Variants in ATP6V1A observed in about 807,000 individuals in gnomAD.
ATP6V1A encodes the protein ATPase H+ transporting V1 subunit A, also known as V-type proton ATPase catalytic subunit A.
Under a neutral mutation model 70.1 loss-of-function variants are expected in ATP6V1A, and 18 were observed. That is an observed-to-expected ratio of 0.26 (90% CI 0.18 to 0.38). The LOEUF is 0.38. ATP6V1A is among the 10% of genes least tolerant of loss of function. ATP6V1A has a pLI of 1.00. For missense variants in ATP6V1A, 424 were observed against 772.4 expected (o/e 0.55, Z 5.35); for synonymous variants, 232 against 253.8 (o/e 0.91, Z 0.82).
chr3:113,788,820 T>C lies in ATP6V1A; in HGVS notation c.824T>C (p.Val275Ala). The C allele has an allele frequency of 6.2e-7, 1 of 1,613,768 alleles. No homozygotes were observed. Among genetic ancestry groups the C allele is most frequent in the Admixed American group, 1.7e-5 (1 of 60,012 alleles). The part of the protein sequence containing the change: ...KYSNSDVIIY[V>A]GCGERGNEMS... ...TCTAACAGTGATGTAATCATCTATG[T>C]AGGATGTGGTGAAAGAGGAAATGAG... is the stretch of plus-strand genomic sequence containing the variant. The change falls in exon 7 of 15, where the codon GTA becomes GCA. Residue 275 changes from valine to alanine, a missense_variant. Physicochemically the swap from Val to Ala is moderately conservative, Grantham distance 64. Around this residue, in one of 9 missense-constraint regions of ATP6V1A, gnomAD observed 8 missense variants for 41.8 expected, o/e 0.19. Transcript: ENST00000273398.
At chr3:113,766,890 A>G (rs1046826593) in intron 1 of ATP6V1A, among the ~76,000 whole-genome samples, 8 of 152,106 alleles carry the variant, frequency 5.3e-5, no homozygotes, top group Admixed American at 1.3e-4. Context: ...AGGTGTTTTG[A>G]ATTATTTATT....
Position 113,772,699 on chromosome 3 carries a change from G to T in ATP6V1A, c.-13-6042G>T, listed in dbSNP as rs540422665. Among the ~76,000 whole-genome samples, 271 of 148,156 alleles carry T rather than the reference G, an allele frequency of 1.8e-3. 2 individuals carry two copies. Among genetic ancestry groups the T allele is most frequent in the African/African-American group, 6.5e-3 (260 of 40,246 alleles). On this transcript the variant is annotated intron_variant, in intron 1 of 14. Coordinates refer to ENST00000273398, the MANE Select transcript of ATP6V1A (RefSeq NM_001690.4). ...GCCAAGATTGCACCACTGCACTCCA[G>T]CCTGGGCGACAGAGCAAGACTCCAT...
In ATP6V1A at chr3:113,811,582, A is replaced by T. The variant is rs1159655709; in HGVS notation, c.*2155A>T. ...GTGATAGCAATGAATGGTATGATGA[A>T]GAAAGTTTGACCAAATTTGTTTTTT... On this transcript the variant is annotated 3_prime_UTR_variant, in exon 15 of 15. Transcript: ENST00000273398. The T allele has an allele frequency of 2.6e-5, 4 of 152,630 alleles. No individual in the cohort carries two copies. The highest frequency in any genetic ancestry group is 9.6e-5 in the African/African-American group (4 of 41,452). 9.5% of individuals were successfully genotyped at this position (152,630 alleles called of 1,614,324 possible).
At chr3:113,798,818 G>T (rs1709180392) in intron 12 of ATP6V1A, among the ~76,000 whole-genome samples, 1 of 152,134 alleles carries the variant, frequency 6.6e-6, no homozygotes, top group Non-Finnish European at 1.5e-5. Flanking sequence ...ACATTCTTGT[G>T]CCTGTATCTT....
At position 113,786,218 on chromosome 3, in the gene ATP6V1A, C is replaced by T. The variant is rs570103443; in HGVS notation, c.565-14C>T. ...CAAATTTGACCATACTAAAATCCTA[C>T]TGTATTTCTATAGGATGTTGTCTTG... is the stretch of plus-strand genomic sequence containing the variant. On this transcript the variant is annotated splice_polypyrimidine_tract_variant and intron_variant, in intron 5 of 14. Coordinates refer to ENST00000273398, the MANE Select transcript of ATP6V1A (RefSeq NM_001690.4). 6.3e-7 allele frequency: 1 copy of T among 1,591,356 alleles called. No homozygotes were observed. The highest frequency in any genetic ancestry group is 1.1e-5 in the South Asian group (1 of 88,128).
Position 113,784,403 on chromosome 3 carries a change from A to C in ATP6V1A, c.391A>C (p.Ile131Leu). Residue 131 changes from isoleucine to leucine, a missense_variant, in exon 4 of 15, where the codon ATC (isoleucine) becomes CTC (leucine). By Grantham distance (5) the Ile-to-Leu change is conservative (BLOSUM62 2). Transcript: ENST00000273398. ...AAACGTGTCTGCTCTTAGCAGAGAT[A>C]TCAAATGGGACTTTACACCTTGCAA... ...GVNVSALSRD[I>L]KWDFTPCKNL... 6.2e-7 allele frequency: 1 copy of C among 1,614,132 alleles called. No individual in the cohort carries two copies. Among genetic ancestry groups the C allele is most frequent in the South Asian group, 1.1e-5 (1 of 91,078 alleles).
chr3:113,751,132 T>G (rs1404451193), intron 1 of ATP6V1A, among the ~76,000 whole-genome samples: 2 of 152,120 alleles, frequency 1.3e-5, no homozygotes, highest in Non-Finnish European at 2.9e-5. Context: ...ATTGTACAGA[T>G]TGTAGAGCAG....
chr3:113,806,687 T>A (rs1014282978), intron 14 of ATP6V1A, among the ~76,000 whole-genome samples: 1 of 152,184 alleles, frequency 6.6e-6, no homozygotes, highest in African/African-American at 2.4e-5. Context: ...CTTGAACTCC[T>A]GACCTCATGT....
intron 3 of ATP6V1A, 104 bp from the exon 4 acceptor site, chr3:113,784,120 C>G: frequency 9.0e-7 from 1 of 1,108,514 alleles, no homozygotes; most frequent in South Asian, 1.5e-5. Flanking sequence ...TTGGGAACTT[C>G]CGTTTTCACT....
chr3:113,752,182 G>A (rs1380654370), intron 1 of ATP6V1A, among the ~76,000 whole-genome samples: 1 of 151,862 alleles, frequency 6.6e-6, no homozygotes, highest in Non-Finnish European at 1.5e-5. Context: ...AATAAAATGG[G>A]TGGTATATGA....
At chr3:113,768,476 GC>G (rs1381903950) in intron 1 of ATP6V1A, among the ~76,000 whole-genome samples, 7 of 152,062 alleles carry the variant, frequency 4.6e-5, no homozygotes, top group Non-Finnish European at 1.0e-4. Context: ...GTCATCCTTA[GC>G]AAGGTGGGCT....
At chr3:113,772,307 G>A (rs1000910992) in intron 1 of ATP6V1A, among the ~76,000 whole-genome samples, 1 of 152,196 alleles carries the variant, frequency 6.6e-6, no homozygotes, top group African/African-American at 2.4e-5. Flanking sequence ...TTGGACTGGG[G>A]ATATTTGAGC....
At chr3:113,788,610 T>C (rs1709061443) in intron 6 of ATP6V1A, 103 bp from the exon 7 acceptor site, 1 of 1,068,800 alleles carries the variant, frequency 9.4e-7, no homozygotes, top group Non-Finnish European at 1.3e-6. Context: ...CCCCCACAAG[T>C]GCTGCTGGGA....
chr3:113,789,236 G>A (rs940949884), intron 7 of ATP6V1A, among the ~76,000 whole-genome samples: 9 of 151,930 alleles, frequency 5.9e-5, no homozygotes, highest in Non-Finnish European at 8.8e-5. Flanking sequence ...TAGTAGAGAC[G>A]GGGTTTCCAC....
At chr3:113,800,777 G>A (rs533338566) in intron 12 of ATP6V1A, among the ~76,000 whole-genome samples, 2 of 152,138 alleles carry the variant, frequency 1.3e-5, no homozygotes, top group African/African-American at 2.4e-5. Context: ...TACATAAAAA[G>A]TAAGCATTTA....
intron 12 of ATP6V1A, among the ~76,000 whole-genome samples, chr3:113,801,734 A>T (rs1037422600): frequency 6.6e-6 from 1 of 152,230 alleles, no homozygotes; most frequent in Non-Finnish European, 1.5e-5. Context: ...CATGTTGCAC[A>T]GCAGCATGGG....
At chr3:113,763,817 G>A (rs1446587922) in intron 1 of ATP6V1A, among the ~76,000 whole-genome samples, 2 of 151,864 alleles carry the variant, frequency 1.3e-5, no homozygotes, top group East Asian at 1.9e-4. Flanking sequence ...TATTATCTTA[G>A]ATTAGGTGAA....
At chr3:113,768,131 G>C (rs191934044) in intron 1 of ATP6V1A, among the ~76,000 whole-genome samples, 2 of 152,204 alleles carry the variant, frequency 1.3e-5, no homozygotes, top group Non-Finnish European at 2.9e-5. Context: ...AAATAGAAGA[G>C]TGTGTGTGTG....
intron 10 of ATP6V1A, 27 bp downstream of exon 10, chr3:113,795,231 A>G: frequency 6.3e-7 from 1 of 1,599,748 alleles, no homozygotes; most frequent in East Asian, 2.2e-5. Flanking sequence ...TTTACTTTGC[A>G]AAAGGAAAAA....
Sources: gnomAD v4.1 joint callset for allele counts (sites outside exome capture counted in the v4.1 genomes callset) on GRCh38, gnomAD v4.1.1 for gene constraint, gnomAD v4.1.1 regional missense constraint, MANE v1.5 for transcripts, NCBI Gene and HGNC (gene_info 2026-07-23, HGNC 2026-07-21) for gene names.